Variants in PCDHGA7 observed in about 807,000 individuals in gnomAD.
PCDHGA7 encodes protocadherin gamma subfamily A, 7.
PCDHGA7 carries 44 observed loss-of-function variants against 58.3 expected under a neutral mutation model. The ratio of observed to expected loss-of-function variants is 0.75; its 90% CI spans 0.59 to 0.97. The LOEUF is 0.97. Ranked by LOEUF, PCDHGA7 falls within the 50% of genes least tolerant of loss-of-function variation. The pLI is 0.00. For synonymous variants in PCDHGA7, 516 were observed against 504.2 expected (o/e 1.02, Z -0.31); for missense variants, 1,266 against 1,188.7 (o/e 1.06, Z -0.96).
Position 141,384,915 on chromosome 5 carries a change from G to C in PCDHGA7, c.2016G>C (p.Leu672Phe), listed in dbSNP as rs1460379128. 2 of 1,613,914 alleles carry C rather than the reference G, an allele frequency of 1.2e-6. No homozygotes were observed. The highest frequency in any genetic ancestry group is 1.7e-6 in the Non-Finnish European group (2 of 1,180,004). ...TGGCTGACAGCATCCCCGAAGTCTT[G>C]GCCGACCTGGGCAGCCTTGAGCCCT... is the stretch of plus-strand genomic sequence containing the variant. ...VAVADSIPEV[L>F]ADLGSLEPSD... The change falls in exon 1 of 4, where the codon TTG becomes TTC. Residue 672 changes from leucine (L) to phenylalanine (F), a missense_variant. Coordinates refer to ENST00000518325, the MANE Select transcript of PCDHGA7 (RefSeq NM_018920.4).
chr5:141,399,460 G>T (rs1465606526), intron 1 of PCDHGA7: 1 of 1,613,962 alleles, frequency 6.2e-7, no homozygotes, highest in Middle Eastern at 1.6e-4. Flanking sequence ...CAACGATAAC[G>T]CTCCGGTTTT....
At chr5:141,388,906 A>G (rs943139475) in intron 1 of PCDHGA7, 5 of 1,613,898 alleles carry the variant, frequency 3.1e-6, no homozygotes, top group African/African-American at 2.7e-5. Flanking sequence ...GAAAATGACA[A>G]CGCCCCAGAA....
chr5:141,462,388 C>T (rs529638718), intron 1 of PCDHGA7, among the ~76,000 whole-genome samples: 86 of 152,204 alleles, frequency 5.7e-4, no homozygotes, highest in Non-Finnish European at 9.4e-4. Context: ...AATTCGTTAA[C>T]ATTTCTTTTA....
At chr5:141,480,715 G>A (rs906358826) in intron 1 of PCDHGA7, among the ~76,000 whole-genome samples, 1 of 152,124 alleles carries the variant, frequency 6.6e-6, no homozygotes, top group African/African-American at 2.4e-5. Flanking sequence ...ACAAATGAAA[G>A]CACAGTCTCT....
At chr5:141,440,763 T>A (rs2098198978) in intron 1 of PCDHGA7, 1 of 152,138 alleles carries the variant, frequency 6.6e-6, no homozygotes, top group Admixed American at 6.6e-5. Flanking sequence ...AGAGCTCCCA[T>A]CCCTTAGTGC....
At position 141,489,220 on chromosome 5, in the gene PCDHGA7, C is replaced by T; in HGVS notation, c.2425-5587C>T. ...AGACAGGACAGCACAGACTTACTCT[C>T]CACAAAGGGACTTCTGGGTCATGGG... On this transcript the variant is annotated intron_variant, in intron 1 of 3. Transcript: ENST00000518325. This position sits in a 1 kb window ranked among gnomAD's most constrained non-coding sequence, Gnocchi z 4.5. The T allele has an allele frequency of 6.6e-7, 1 of 1,508,698 alleles. No homozygotes were observed. The highest frequency in any genetic ancestry group is 8.9e-7 in the Non-Finnish European group (1 of 1,122,110). The allele number at this position is 1,508,698 out of a possible 1,614,324, so 93.5% of individuals were successfully genotyped here.
intron 1 of PCDHGA7, chr5:141,427,474 A>G (rs373512099): frequency 3.7e-5 from 19 of 520,294 alleles, no homozygotes; most frequent in African/African-American, 1.5e-4. Context: ...TCTTCCGCCA[A>G]TAATGACTAT....
At chr5:141,388,459 C>G in intron 1 of PCDHGA7, 1 of 1,613,696 alleles carries the variant, frequency 6.2e-7, no homozygotes, top group Non-Finnish European at 8.5e-7. Flanking sequence ...AGTAAATACC[C>G]TGAGATGGTA....
intron 1 of PCDHGA7, chr5:141,393,493 G>A (rs1034199960): frequency 6.2e-7 from 1 of 1,614,046 alleles, no homozygotes; most frequent in Non-Finnish European, 8.5e-7. Context: ...AGCACAGTGC[G>A]CATCCACGTG....
intron 1 of PCDHGA7, chr5:141,400,391 C>T (rs1468153713): frequency 1.2e-6 from 2 of 1,614,076 alleles, no homozygotes; most frequent in Non-Finnish European, 1.7e-6. Flanking sequence ...GTTGCACATA[C>T]AGGAAAGACG....
chr5:141,410,450 T>G, intron 1 of PCDHGA7: 1 of 1,614,052 alleles, frequency 6.2e-7, no homozygotes, highest in Non-Finnish European at 8.5e-7. Flanking sequence ...GACTTTGCCT[T>G]ATTCTTATAA....
Position 141,489,897 on chromosome 5 carries a change from C to G in PCDHGA7, c.2425-4910C>G. ...TGCTTACTGCTGTGGATGGGGGGAC[C>G]CCAGCCCGCTCAGGGACCACCCTTA... is the stretch of plus-strand genomic sequence containing the variant. On this transcript the variant is annotated intron_variant, in intron 1 of 3. Transcript: ENST00000518325. This position sits in a 1 kb window ranked among gnomAD's most constrained non-coding sequence, Gnocchi z 4.5. 1 of 1,614,162 alleles carries G rather than the reference C, an allele frequency of 6.2e-7. No individual in the cohort carries two copies. Among genetic ancestry groups the G allele is most frequent in the Non-Finnish European group, 8.5e-7 (1 of 1,180,016 alleles).
chr5:141,413,435 G>T lies in PCDHGA7; in HGVS notation c.2424+28112G>T, dbSNP rs1018097924. 17 of 1,614,004 alleles carry T rather than the reference G, an allele frequency of 1.1e-5. No homozygotes were observed. The African/African-American group carries it at 2.1e-4, about 20-fold the overall frequency. On this transcript the variant is annotated intron_variant, in intron 1 of 3. Coordinates refer to ENST00000518325, the MANE Select transcript of PCDHGA7 (RefSeq NM_018920.4). Reference sequence around the variant, plus strand: ...TTCTCTCTGAACCCGCGCAGCGGCAGCTTGATCACCGCGGGCAGGATAGAC... The same window carrying T: ...TTCTCTCTGAACCCGCGCAGCGGCATCTTGATCACCGCGGGCAGGATAGAC...
At chr5:141,423,755 GGGGGGT>G in intron 1 of PCDHGA7, 4 of 512,470 alleles carry the variant, frequency 7.8e-6, no homozygotes, top group Non-Finnish European at 1.0e-5. Context: ...CTGTTTGGGG[GGGGGGT>G]GGGGCGGCAT....
Position 141,476,242 on chromosome 5 carries a change from G to T in PCDHGA7, c.2425-18565G>T. ...ACTATGAGATCCCGGAGGAAAGAGA[G>T]AAGGGTTTCGCTGTGGGCAACGTGG... is the stretch of plus-strand genomic sequence containing the variant. On this transcript the variant is annotated intron_variant, in intron 1 of 3. Coordinates refer to ENST00000518325, the MANE Select transcript of PCDHGA7 (RefSeq NM_018920.4). The surrounding 1 kb of genome is among the most constrained non-coding windows in gnomAD (Gnocchi z 7.6). 6.2e-7 allele frequency: 1 copy of T among 1,614,100 alleles called. No individual in the cohort carries two copies.
chr5:141,443,457 G>C (rs977253701), intron 1 of PCDHGA7, among the ~76,000 whole-genome samples: 12 of 152,194 alleles, frequency 7.9e-5, no homozygotes, highest in Non-Finnish European at 1.3e-4. Flanking sequence ...CTGTACTCCA[G>C]TCTGGGTGAC....
chr5:141,460,833 T>G (rs541553903), intron 1 of PCDHGA7, among the ~76,000 whole-genome samples: 2 of 151,928 alleles, frequency 1.3e-5, no homozygotes, highest in African/African-American at 4.8e-5. Flanking sequence ...ACACTTAAAG[T>G]AATGGCCTCC....
chr5:141,490,796 A>G lies in PCDHGA7; in HGVS notation c.2425-4011A>G. ...CCAGAGGATGGACGGATCTTTGCCC[A>G]GCGTACCTTTGACTATGAATTGCTG... On this transcript the variant is annotated intron_variant, in intron 1 of 3. Coordinates refer to ENST00000518325, the MANE Select transcript of PCDHGA7 (RefSeq NM_018920.4). The surrounding 1 kb of genome is among the most constrained non-coding windows in gnomAD (Gnocchi z 5.4). The G allele has an allele frequency of 6.2e-7, 1 of 1,613,978 alleles. No individual in the cohort carries two copies. The highest frequency in any genetic ancestry group is 8.5e-7 in the Non-Finnish European group (1 of 1,179,904).
rs992649031 is a variant in PCDHGA7 at position 141,387,128 on chromosome 5, G to C, written c.2424+1805G>C. On this transcript the variant is annotated intron_variant, in intron 1 of 3. Coordinates refer to ENST00000518325, the MANE Select transcript of PCDHGA7 (RefSeq NM_018920.4). ...ATAATATTCCTGTAATGAAATCACTGAAACTATTGGGAAGGGGGTGTATTT... is the reference window on the plus strand; with the variant it reads ...ATAATATTCCTGTAATGAAATCACTCAAACTATTGGGAAGGGGGTGTATTT... Among the ~76,000 whole-genome samples, 7 of 152,316 alleles carry C rather than the reference G, an allele frequency of 4.6e-5. No homozygotes were observed. The South Asian group carries it at 8.3e-4, about 18-fold the overall frequency.
Sources: allele counts gnomAD v4.1 joint callset (sites outside exome capture counted in the v4.1 genomes callset), GRCh38; gene constraint gnomAD v4.1.1; non-coding constraint Gnocchi (gnomAD v3.1); transcripts MANE v1.5; gene names NCBI Gene and HGNC (gene_info 2026-07-23, HGNC 2026-07-21).